Variants in CYRIA observed in about 807,000 individuals in gnomAD.
The protein encoded by CYRIA is CYFIP-related Rac1 interactor A.
CYRIA carries 15 observed loss-of-function variants against 43.9 expected under a neutral mutation model. The ratio of observed to expected loss-of-function variants is 0.34; its 90% CI spans 0.23 to 0.53. CYRIA has a LOEUF of 0.53. CYRIA is among the 20% of genes least tolerant of loss of function. The pLI is 0.94. For missense variants in CYRIA, 236 were observed against 394.2 expected, an observed-to-expected ratio of 0.60 and a Z score of 3.40; for synonymous variants, 117 against 136.0, an observed-to-expected ratio of 0.86 and a Z score of 0.97.
chr2:16,639,811 T>C (rs2103533224), intron 1 of CYRIA, among the ~76,000 whole-genome samples: 1 of 152,346 alleles, frequency 6.6e-6, no homozygotes, highest in South Asian at 2.1e-4. Context: ...GCCCTACTTC[T>C]GACACATAGA....
chr2:16,658,807 G>T (rs1399679087), intron 1 of CYRIA, among the ~76,000 whole-genome samples: 1 of 152,028 alleles, frequency 6.6e-6, no homozygotes, highest in Non-Finnish European at 1.5e-5. Flanking sequence ...TGGAATAGAG[G>T]AGAAAGAGCA....
At chr2:16,600,065 T>G (rs1009218614) in intron 2 of CYRIA, among the ~76,000 whole-genome samples, 1 of 152,204 alleles carries the variant, frequency 6.6e-6, no homozygotes, top group Admixed American at 6.5e-5. Context: ...CAGATTTTAC[T>G]TTTTAACCAA....
chr2:16,607,637 G>A (rs6732559), intron 2 of CYRIA, among the ~76,000 whole-genome samples: 41,409 of 151,928 alleles, frequency 0.27, 7,821 homozygotes, highest in East Asian at 0.69. Context: ...CATCTAGGCT[G>A]GAGTGCAATG....
intron 1 of CYRIA, among the ~76,000 whole-genome samples, chr2:16,629,316 G>A (rs1669257052): frequency 6.6e-6 from 1 of 152,186 alleles, no homozygotes; most frequent in African/African-American, 2.4e-5. Context: ...GGGCCTAGTG[G>A]GGAAGGAGGT....
chr2:16,635,892 T>C (rs982113535), intron 1 of CYRIA, among the ~76,000 whole-genome samples: 2 of 152,132 alleles, frequency 1.3e-5, no homozygotes, highest in Non-Finnish European at 2.9e-5. Context: ...AGACAATCCT[T>C]TTCTTCTCTG....
At chr2:16,605,218 A>G (rs967824) in intron 2 of CYRIA, among the ~76,000 whole-genome samples, 29,595 of 152,254 alleles carry the variant, frequency 0.19, 3,596 homozygotes, top group African/African-American at 0.34. Flanking sequence ...GTTTTCTAAA[A>G]TAGACTATTA....
At chr2:16,630,887 A>T (rs551035213) in intron 1 of CYRIA, among the ~76,000 whole-genome samples, 1 of 152,332 alleles carries the variant, frequency 6.6e-6, no homozygotes, top group East Asian at 1.9e-4. Context: ...CAGGTTTGAG[A>T]TGTCAGCGGC....
intron 2 of CYRIA, among the ~76,000 whole-genome samples, chr2:16,613,231 T>G (rs1473994787): frequency 6.6e-6 from 1 of 151,974 alleles, no homozygotes; most frequent in Non-Finnish European, 1.5e-5. Context: ...TTTTCAGGAG[T>G]GCATTTTCAG....
intron 1 of CYRIA, among the ~76,000 whole-genome samples, chr2:16,658,034 G>A (rs1670162353): frequency 6.6e-6 from 1 of 152,038 alleles, no homozygotes; most frequent in South Asian, 2.1e-4. Flanking sequence ...ATTTAAAACT[G>A]CAAGACTCCA....
intron 2 of CYRIA, among the ~76,000 whole-genome samples, chr2:16,615,210 T>G (rs770312832): frequency 1.1e-4 from 16 of 152,234 alleles, no homozygotes; most frequent in Non-Finnish European, 7.3e-5. Flanking sequence ...AACGCAAGTC[T>G]ATGTTTTAAT....
At position 16,609,950 on chromosome 2, in the gene CYRIA, A is replaced by G. The variant is rs574268691; in HGVS notation, c.-11+13914T>C. On this transcript the variant is annotated intron_variant, in intron 2 of 11. Coordinates refer to ENST00000381323, the MANE Select transcript of CYRIA (RefSeq NM_030797.4). Reference sequence around the variant, plus strand: ...CCCAGAAGGACTGCATCTCGCTTCCATCTGGACACTAAACCTCTACTGAGG... The same window carrying G: ...CCCAGAAGGACTGCATCTCGCTTCCGTCTGGACACTAAACCTCTACTGAGG... Among the ~76,000 whole-genome samples, 186 of 152,332 alleles carry G rather than the reference A, an allele frequency of 1.2e-3. 1 individual carries two copies. The highest frequency in any genetic ancestry group is 4.2e-3 in the African/African-American group (175 of 41,576).
intron 1 of CYRIA, among the ~76,000 whole-genome samples, chr2:16,645,816 A>C (rs1260803461): frequency 6.6e-6 from 1 of 152,250 alleles, no homozygotes; most frequent in Non-Finnish European, 1.5e-5. Flanking sequence ...ACTTTAATAC[A>C]TAGAAAAGTA....
intron 2 of CYRIA, among the ~76,000 whole-genome samples, chr2:16,608,419 C>T (rs1175720534): frequency 1.3e-5 from 2 of 152,224 alleles, no homozygotes; most frequent in East Asian, 1.9e-4. Flanking sequence ...ACACGGAAGC[C>T]CAGAAACGAG....
chr2:16,628,378 C>A (rs990859786), intron 1 of CYRIA, among the ~76,000 whole-genome samples: 1 of 152,144 alleles, frequency 6.6e-6, no homozygotes, highest in Non-Finnish European at 1.5e-5. Flanking sequence ...CTGTGAGGCC[C>A]CTGATCTCAC....
chr2:16,606,952 G>A (rs1033815280), intron 2 of CYRIA, among the ~76,000 whole-genome samples: 4 of 151,592 alleles, frequency 2.6e-5, no homozygotes, highest in Non-Finnish European at 5.9e-5. Flanking sequence ...AAATTATGTT[G>A]GTACCGAAAC....
intron 2 of CYRIA, among the ~76,000 whole-genome samples, chr2:16,610,207 C>G (rs184484042): frequency 3.3e-5 from 5 of 152,190 alleles, no homozygotes; most frequent in African/African-American, 1.2e-4. Flanking sequence ...ACTACCATCT[C>G]CCTTTTAGAA....
At chr2:16,654,778 T>A (rs1670063004) in intron 1 of CYRIA, among the ~76,000 whole-genome samples, 1 of 152,208 alleles carries the variant, frequency 6.6e-6, no homozygotes, top group Non-Finnish European at 1.5e-5. Flanking sequence ...GTGCTAAATG[T>A]ATACTGAATA....
intron 2 of CYRIA, among the ~76,000 whole-genome samples, chr2:16,614,389 G>T (rs1366111342): frequency 2.6e-5 from 4 of 152,192 alleles, no homozygotes; most frequent in African/African-American, 9.6e-5. Context: ...AACGCACAAA[G>T]TTTATCTCTG....
chr2:16,562,686 C>A (rs1006152025), intron 5 of CYRIA, among the ~76,000 whole-genome samples: 1 of 152,174 alleles, frequency 6.6e-6, no homozygotes, highest in Non-Finnish European at 1.5e-5. Flanking sequence ...TTTCTCTAAA[C>A]AGTCCCTTAT....
Sources: gnomAD v4.1 joint callset for allele counts (sites outside exome capture counted in the v4.1 genomes callset) on GRCh38, gnomAD v4.1.1 for gene constraint, MANE v1.5 for transcripts, NCBI Gene and HGNC (gene_info 2026-07-23, HGNC 2026-07-21) for gene names.